Variants in ERBB4 observed in about 807,000 individuals in gnomAD.
ERBB4 encodes the protein erb-b2 receptor tyrosine kinase 4.
A neutral mutation model predicts 158.0 loss-of-function variants in ERBB4; 42 were observed. That is an observed-to-expected ratio of 0.27 (90% CI 0.21 to 0.34). The LOEUF (loss-of-function observed/expected upper bound fraction) is 0.34, where lower values mean the gene tolerates loss of function less well. ERBB4 is among the 10% of genes least tolerant of loss of function. The pLI is 1.00. For missense variants in ERBB4, 1,333 were observed against 1,624.1 expected, an observed-to-expected ratio of 0.82 and a Z score of 3.08; for synonymous variants, 583 against 558.7, an observed-to-expected ratio of 1.04 and a Z score of -0.61.
intron 2 of ERBB4, among the ~76,000 whole-genome samples, chr2:212,047,849 C>T (rs1476874537): frequency 6.6e-6 from 1 of 152,042 alleles, no homozygotes; most frequent in African/African-American, 2.4e-5. Context: ...TTATAGACAA[C>T]ACTCTTGTTT....
At chr2:211,927,250 T>C (rs890209583) in intron 3 of ERBB4, among the ~76,000 whole-genome samples, 6 of 152,194 alleles carry the variant, frequency 3.9e-5, no homozygotes, top group Admixed American at 3.3e-4. Flanking sequence ...GACTTATTGG[T>C]TAAAACATAG....
chr2:211,425,018 C>T (rs2063595502), intron 22 of ERBB4, among the ~76,000 whole-genome samples: 1 of 152,108 alleles, frequency 6.6e-6, no homozygotes, highest in Non-Finnish European at 1.5e-5. Context: ...TAAATGGTAG[C>T]ATGCAAACAG....
chr2:212,098,139 G>T (rs1057274042), intron 2 of ERBB4, among the ~76,000 whole-genome samples: 2 of 152,166 alleles, frequency 1.3e-5, no homozygotes, highest in Non-Finnish European at 2.9e-5. Flanking sequence ...CACAGAGGCA[G>T]ATTTATCTCG....
chr2:212,454,863 T>G (rs2106038425), intron 1 of ERBB4, among the ~76,000 whole-genome samples: 1 of 152,252 alleles, frequency 6.6e-6, no homozygotes, highest in African/African-American at 2.4e-5. Flanking sequence ...GATTCTACAG[T>G]TCCTTTAGGT....
intron 7 of ERBB4, among the ~76,000 whole-genome samples, chr2:211,716,849 T>C (rs1435864997): frequency 6.6e-6 from 1 of 152,146 alleles, no homozygotes; most frequent in African/African-American, 2.4e-5. Context: ...GTGCTTTAAA[T>C]TAGCCTGTAG....
At chr2:211,978,055 T>C (rs971095408) in intron 2 of ERBB4, among the ~76,000 whole-genome samples, 5 of 151,058 alleles carry the variant, frequency 3.3e-5, no homozygotes, top group Admixed American at 6.7e-5. Context: ...TCTTCACCTA[T>C]TTTACTTAAT....
chr2:211,409,992 G>C (rs2125375260), intron 25 of ERBB4, among the ~76,000 whole-genome samples: 1 of 152,210 alleles, frequency 6.6e-6, no homozygotes. Flanking sequence ...ACTTCACTCA[G>C]AGTTCATCTA....
At chr2:212,107,511 TG>T (rs2079267382) in intron 2 of ERBB4, among the ~76,000 whole-genome samples, 1 of 152,186 alleles carries the variant, frequency 6.6e-6, no homozygotes, top group Admixed American at 6.5e-5. Flanking sequence ...AGAAGGGACT[TG>T]CCTTGTCTCA....
intron 2 of ERBB4, among the ~76,000 whole-genome samples, chr2:212,080,894 C>T (rs1169980301): frequency 6.6e-6 from 1 of 152,020 alleles, no homozygotes; most frequent in Non-Finnish European, 1.5e-5. Flanking sequence ...CCTCATAAAT[C>T]GAATATTATT....
At chr2:211,455,668 A>G (rs1480494817) in intron 20 of ERBB4, among the ~76,000 whole-genome samples, 1 of 152,214 alleles carries the variant, frequency 6.6e-6, no homozygotes, top group African/African-American at 2.4e-5. Context: ...GTGATTGCTT[A>G]CTTTTAATTT....
chr2:211,627,954 C>T (rs1480868687), intron 17 of ERBB4, among the ~76,000 whole-genome samples: 2 of 152,120 alleles, frequency 1.3e-5, no homozygotes, highest in Non-Finnish European at 2.9e-5. Flanking sequence ...ATATTAAATG[C>T]ATCCCATAAA....
intron 2 of ERBB4, among the ~76,000 whole-genome samples, chr2:212,093,556 T>C (rs1013729510): frequency 1.2e-4 from 18 of 152,140 alleles, no homozygotes; most frequent in African/African-American, 4.1e-4. Flanking sequence ...AAATTACAAA[T>C]GAAAACAATG....
chr2:211,746,538 C>T (rs1395104806), intron 5 of ERBB4, among the ~76,000 whole-genome samples: 1 of 151,752 alleles, frequency 6.6e-6, no homozygotes, highest in African/African-American at 2.4e-5. Context: ...AGTGAGAAAA[C>T]TCCATTCAGG....
At chr2:212,123,689 G>A (rs1248478737) in intron 2 of ERBB4, among the ~76,000 whole-genome samples, 2 of 152,218 alleles carry the variant, frequency 1.3e-5, no homozygotes, top group South Asian at 4.2e-4. Flanking sequence ...ATGTTTTGAG[G>A]TGGTTCATTT....
chr2:211,635,527 G>A (rs906261736), intron 16 of ERBB4, among the ~76,000 whole-genome samples: 6 of 151,980 alleles, frequency 3.9e-5, no homozygotes, highest in Non-Finnish European at 7.4e-5. Flanking sequence ...AAATGTGAGA[G>A]GACACATGAA....
At chr2:211,571,104 ACAATCTCGGCTCATTG>A (rs1402548635) in intron 19 of ERBB4, among the ~76,000 whole-genome samples, 3 of 132,420 alleles carry the variant, frequency 2.3e-5, no homozygotes, top group Non-Finnish European at 4.6e-5. Context: ...ATGCAGTGGC[ACAATCTCGGCTCATTG>A]CAACCTCCGC....
intron 1 of ERBB4, among the ~76,000 whole-genome samples, chr2:212,242,472 G>C (rs918627305): frequency 2.0e-5 from 3 of 152,014 alleles, no homozygotes; most frequent in African/African-American, 7.2e-5. Context: ...CTCATCTCAA[G>C]AAAATAGTTT....
intron 1 of ERBB4, among the ~76,000 whole-genome samples, chr2:212,173,661 T>TGA (rs2081582564): frequency 2.0e-5 from 3 of 152,156 alleles, no homozygotes; most frequent in African/African-American, 7.2e-5. Context: ...AAATGAATCC[T>TGA]TAAACCACTT....
intron 1 of ERBB4, among the ~76,000 whole-genome samples, chr2:212,476,554 T>C (rs1471832161): frequency 2.6e-5 from 4 of 152,160 alleles, no homozygotes; most frequent in Non-Finnish European, 4.4e-5. Flanking sequence ...ATTTTAGGTA[T>C]TTCTGAAGAT....
Sources: gnomAD v4.1 joint callset for allele counts (sites outside exome capture counted in the v4.1 genomes callset) on GRCh38, gnomAD v4.1.1 for gene constraint, MANE v1.5 for transcripts, NCBI Gene and HGNC (gene_info 2026-07-23, HGNC 2026-07-21) for gene names.